FAM180A: variants seen among roughly 807,000 people sequenced by gnomAD.
The protein encoded by FAM180A is family with sequence similarity 180 member A, also known as protein FAM180A.
In FAM180A, 14 loss-of-function variants were observed where a neutral mutation model predicts 15.3. That is an observed-to-expected ratio of 0.92 (90% CI 0.61 to 1.43). The LOEUF (loss-of-function observed/expected upper bound fraction) is 1.43. Ranked by LOEUF, FAM180A falls within the 40% of genes most tolerant of loss-of-function variation. The pLI is 0.00. For synonymous variants in FAM180A, 90 were observed against 96.8 expected (o/e 0.93, Z 0.41); for missense variants, 200 against 220.8 (o/e 0.91, Z 0.60).
chr7:135,740,711 T>C (rs927179846), intron 1 of FAM180A, among the ~76,000 whole-genome samples: 2 of 152,070 alleles, frequency 1.3e-5, no homozygotes, highest in Non-Finnish European at 2.9e-5. Flanking sequence ...TTCTTGGAGG[T>C]AAGGAGTGCA....
At chr7:135,747,115 A>G (rs1171356952) in intron 1 of FAM180A, among the ~76,000 whole-genome samples, 2 of 152,152 alleles carry the variant, frequency 1.3e-5, no homozygotes, top group Non-Finnish European at 1.5e-5. Context: ...TAAATAAATA[A>G]GTAAATAAAT....
At position 135,734,145 on chromosome 7, in the gene FAM180A, G is replaced by A. The variant is rs1477720362; in HGVS notation, c.352C>T (p.Leu118Phe). Reference protein sequence around the residue: ...SASLSSHPGILKKEDFERTVL... With the variant: ...SASLSSHPGIFKKEDFERTVL... ...GTCCTTTCAAAGTCTTCTTTCTTGA[G>A]GATGCCAGGGTGGCTGGAGAGGCTG... The change falls in exon 3 of 4, where the codon CTC (leucine) becomes TTC (phenylalanine). Residue 118 changes from leucine to phenylalanine, a missense_variant. By Grantham distance (22) the Leu-to-Phe change is conservative. Transcript: ENST00000338588. 1 of 1,614,172 alleles carries A rather than the reference G, an allele frequency of 6.2e-7. No homozygotes were observed. Among genetic ancestry groups the A allele is most frequent in the Admixed American group, 1.7e-5 (1 of 60,024 alleles).
Position 135,733,687 on chromosome 7 carries a change from A to G in FAM180A, c.*288T>C. On this transcript the variant is annotated 3_prime_UTR_variant, in exon 3 of 4. Transcript: ENST00000338588. The stretch of plus-strand genomic sequence containing the variant: ...GTGTGTGGCCACTGCTCTGGGTTGA[A>G]GCATATCAGAATTCTGCCTGCCATA... 2 of 1,211,766 alleles carry G rather than the reference A, an allele frequency of 1.7e-6. No individual in the cohort carries two copies. Among genetic ancestry groups the G allele is most frequent in the Non-Finnish European group, 2.1e-6 (2 of 973,000 alleles). The allele number at this position is 1,211,766 out of a possible 1,614,324, so 75.1% of individuals were successfully genotyped here. A position where few individuals can be genotyped will look rare whatever the true frequency, so the allele number is the denominator to read the frequency against.
intron 3 of FAM180A, among the ~76,000 whole-genome samples, chr7:135,731,333 G>A (rs1039257317): frequency 2.0e-5 from 3 of 152,010 alleles, no homozygotes; most frequent in Non-Finnish European, 2.9e-5. Flanking sequence ...GCCTCTGGCC[G>A]ATCCCAACGC....
chr7:135,734,362 T>C, intron 2 of FAM180A, 43 bp from the exon 3 acceptor site: 1 of 1,532,064 alleles, frequency 6.5e-7, no homozygotes, highest in Non-Finnish European at 8.8e-7. Context: ...AGTGAGGCAT[T>C]GCTGAGGACA....
Position 135,734,116 on chromosome 7 carries a change from C to T in FAM180A, c.381G>A (p.Val127=). 6.2e-7 allele frequency: 1 copy of T among 1,614,192 alleles called. No homozygotes were observed. The highest frequency in any genetic ancestry group is 8.5e-7 in the Non-Finnish European group (1 of 1,180,046). Residue 127 remains valine, a synonymous_variant, in exon 3 of 4, where the codon GTG becomes GTA. Coordinates refer to ENST00000338588, the MANE Select transcript of FAM180A (RefSeq NM_205855.4). ...GGTAGGCTGTGTAGGCCAGGGTCAG[C>T]ACTGTCCTTTCAAAGTCTTCTTTCT... ...ILKKEDFERT[V]LTLAYTAYRT...
chr7:135,747,970 C>G (rs371797568), intron 1 of FAM180A, among the ~76,000 whole-genome samples: 1 of 152,116 alleles, frequency 6.6e-6, no homozygotes, highest in East Asian at 1.9e-4. Flanking sequence ...GAGGAGGTGG[C>G]GGAGCTGGTG....
At chr7:135,744,238 C>A (rs1382885535) in intron 1 of FAM180A, among the ~76,000 whole-genome samples, 1 of 152,112 alleles carries the variant, frequency 6.6e-6, no homozygotes, top group Admixed American at 6.5e-5. Context: ...CCCATCCCTC[C>A]GATATGTTCA....
In FAM180A at chr7:135,737,129, G is replaced by A. The variant is rs760511519; in HGVS notation, c.147C>T (p.Thr49=). The A allele has an allele frequency of 6.2e-6, 10 of 1,613,250 alleles. No individual in the cohort carries two copies. The highest frequency in any genetic ancestry group is 7.6e-6 in the Non-Finnish European group (9 of 1,179,594). ...SSLPLNPVLQ[T]SLEEVELLYE... Reference sequence around the variant, plus strand: ...AGAGCAGCTCCACCTCCTCCAGGGAGGTCTGCAGGACTGGGTTCAATGGCA... The same window carrying A: ...AGAGCAGCTCCACCTCCTCCAGGGAAGTCTGCAGGACTGGGTTCAATGGCA... The change falls in exon 2 of 4, where the codon ACC becomes ACT. Residue 49 remains threonine (T), a synonymous_variant. Transcript: ENST00000338588.
chr7:135,733,140 G>A lies in FAM180A; in HGVS notation c.*329+506C>T, dbSNP rs547978673. ...CTGATTTTCTAATGGATTATTCTTG[G>A]CAACTTTTGGAAAAGTCAAGAAGTA... On this transcript the variant is annotated intron_variant, in intron 3 of 3. Transcript: ENST00000338588. 2.6e-5 allele frequency among the ~76,000 whole-genome samples: 4 copies of A among 152,160 alleles called. No homozygotes were observed. The East Asian group carries it at 7.7e-4, about 29-fold the overall frequency.
chr7:135,747,136 A>G (rs10224306), intron 1 of FAM180A, among the ~76,000 whole-genome samples: 3,867 of 152,186 alleles, frequency 0.025, 169 homozygotes, highest in African/African-American at 0.086. Flanking sequence ...AACAAATAAA[A>G]GTAACTAAAA....
At chr7:135,731,262 C>T (rs865818549) in intron 3 of FAM180A, among the ~76,000 whole-genome samples, 2 of 152,050 alleles carry the variant, frequency 1.3e-5, no homozygotes, top group African/African-American at 2.4e-5. Context: ...ATTGCTAATC[C>T]ACTCCCCATC....
intron 2 of FAM180A, among the ~76,000 whole-genome samples, chr7:135,735,667 CT>C (rs941591279): frequency 1.3e-5 from 2 of 152,190 alleles, no homozygotes; most frequent in Non-Finnish European, 2.9e-5. Flanking sequence ...ATCTCTCCCC[CT>C]GGCTTAACTG....
chr7:135,735,571 A>C (rs1434940006), intron 2 of FAM180A, among the ~76,000 whole-genome samples: 1 of 152,178 alleles, frequency 6.6e-6, no homozygotes, highest in African/African-American at 2.4e-5. Flanking sequence ...TCTTTCTAAA[A>C]TATAGATCTC....
chr7:135,746,617 G>C (rs1316976858), intron 1 of FAM180A, among the ~76,000 whole-genome samples: 1 of 152,174 alleles, frequency 6.6e-6, no homozygotes, highest in South Asian at 2.1e-4. Flanking sequence ...CTTAGGAAGA[G>C]TGGGCACTGT....
At chr7:135,737,604 A>G (rs57718558) in intron 1 of FAM180A, among the ~76,000 whole-genome samples, 14 of 120,570 alleles carry the variant, frequency 1.2e-4, no homozygotes, top group African/African-American at 3.4e-4. Flanking sequence ...AAAAAAAAAA[A>G]AAAAGAAAGA....
At chr7:135,747,266 C>T (rs577954840) in intron 1 of FAM180A, among the ~76,000 whole-genome samples, 3 of 151,904 alleles carry the variant, frequency 2.0e-5, no homozygotes, top group African/African-American at 4.8e-5. Flanking sequence ...ATATGTATAC[C>T]TACTATGTGC....
At chr7:135,734,406 A>G (rs1796842267) in intron 2 of FAM180A, 87 bp from the exon 3 acceptor site, 1 of 1,285,304 alleles carries the variant, frequency 7.8e-7, no homozygotes. Flanking sequence ...TCCCTTAGGG[A>G]GGCAGCTGCC....
intron 1 of FAM180A, among the ~76,000 whole-genome samples, chr7:135,746,824 G>T (rs1797038352): frequency 6.6e-6 from 1 of 152,208 alleles, no homozygotes; most frequent in African/African-American, 2.4e-5. Context: ...AGAGGGCCAG[G>T]CACTATGGCT....
Sources: gnomAD v4.1 joint callset for allele counts (sites outside exome capture counted in the v4.1 genomes callset) on GRCh38, gnomAD v4.1.1 for gene constraint, MANE v1.5 for transcripts, NCBI Gene and HGNC (gene_info 2026-07-23, HGNC 2026-07-21) for gene names.